Variants in CLVS1 observed in about 807,000 individuals in gnomAD.
The protein encoded by CLVS1 is clavesin-1.
CLVS1 carries 10 observed loss-of-function variants against 33.1 expected under a neutral mutation model. The observed-to-expected ratio is 0.30, with a 90% CI of 0.19 to 0.51. The LOEUF (loss-of-function observed/expected upper bound fraction) is 0.51, where lower values mean the gene tolerates loss of function less well. CLVS1 is among the 20% of genes least tolerant of loss of function. The probability of loss-of-function intolerance (pLI) is 0.97; values close to 1 mark genes in which losing one functional copy is unlikely to be tolerated. For missense variants in CLVS1, 343 were observed against 433.4 expected (o/e 0.79, Z 1.85); for synonymous variants, 163 against 166.1 (o/e 0.98, Z 0.14).
intron 2 of CLVS1, among the ~76,000 whole-genome samples, chr8:61,354,737 A>G (rs975385484): frequency 1.3e-5 from 2 of 152,196 alleles, no homozygotes; most frequent in African/African-American, 2.4e-5. Context: ...TAAACATTAT[A>G]TAACATTCAA....
chr8:61,205,849 T>G (rs1807828024), intron 2 of CLVS1, among the ~76,000 whole-genome samples: 1 of 152,208 alleles, frequency 6.6e-6, no homozygotes, highest in Admixed American at 6.5e-5. Context: ...AAAATTTTTT[T>G]TATTTGCTAA....
chr8:61,479,682 T>C (rs1033326838), intron 5 of CLVS1, among the ~76,000 whole-genome samples: 9 of 152,212 alleles, frequency 5.9e-5, no homozygotes, highest in Admixed American at 5.9e-4. Context: ...TTTCCGGTTT[T>C]TCTGCTCTGT....
chr8:61,053,183 G>A (rs765289496), upstream of CLVS1, among the ~76,000 whole-genome samples: 1 of 152,210 alleles, frequency 6.6e-6, no homozygotes, highest in Non-Finnish European at 1.5e-5. Context: ...AAATGGAGGG[G>A]TGGAGTCTGC....
chr8:61,153,725 A>G (rs1806591826), intron 2 of CLVS1, among the ~76,000 whole-genome samples: 1 of 152,076 alleles, frequency 6.6e-6, no homozygotes, highest in African/African-American at 2.4e-5. Context: ...GGTTGCCTAG[A>G]AACTCTGTGC....
intron 2 of CLVS1, among the ~76,000 whole-genome samples, chr8:61,335,232 T>C (rs963469024): frequency 6.6e-6 from 1 of 152,230 alleles, no homozygotes; most frequent in Non-Finnish European, 1.5e-5. Flanking sequence ...AACCATAATT[T>C]CTAATCTTGT....
chr8:61,396,719 C>A (rs1286209566), intron 3 of CLVS1, among the ~76,000 whole-genome samples: 2 of 152,150 alleles, frequency 1.3e-5, no homozygotes, highest in East Asian at 1.9e-4. Context: ...GAGATACAGG[C>A]AACCACTAGT....
intron 1 of CLVS1, among the ~76,000 whole-genome samples, chr8:61,092,248 G>A (rs1037969916): frequency 2.0e-5 from 3 of 152,110 alleles, no homozygotes; most frequent in Admixed American, 1.3e-4. Context: ...CCCTGTATCA[G>A]TAACAGTGCA....
intron 5 of CLVS1, among the ~76,000 whole-genome samples, chr8:61,471,166 G>C (rs1249646740): frequency 6.6e-6 from 1 of 152,074 alleles, no homozygotes; most frequent in African/African-American, 2.4e-5. Flanking sequence ...TAATACCTTG[G>C]GCAGGCCATG....
chr8:61,199,662 T>C (rs982288996), intron 2 of CLVS1, among the ~76,000 whole-genome samples: 1 of 152,224 alleles, frequency 6.6e-6, no homozygotes, highest in Non-Finnish European at 1.5e-5. Context: ...GGTGGGAATG[T>C]AAACTAGCAC....
At chr8:61,272,362 C>A in intron 2 of CLVS1, among the ~76,000 whole-genome samples, 1 of 152,150 alleles carries the variant, frequency 6.6e-6, no homozygotes, top group East Asian at 1.9e-4. Context: ...CTGAGAGATC[C>A]GCTGTTAGTC....
intron 3 of CLVS1, among the ~76,000 whole-genome samples, chr8:61,433,437 TTTG>T (rs1458763681): frequency 8.5e-5 from 13 of 152,274 alleles, no homozygotes; most frequent in African/African-American, 2.9e-4. Context: ...GGAAGTCAGA[TTTG>T]TTGTTGTTTG....
intron 5 of CLVS1, among the ~76,000 whole-genome samples, chr8:61,470,480 G>A (rs1817694106): frequency 6.6e-6 from 1 of 152,180 alleles, no homozygotes; most frequent in African/African-American, 2.4e-5. Context: ...TGAAAAACAT[G>A]CCTGTTTGCT....
At chr8:61,125,224 C>T (rs1337123796) in intron 1 of CLVS1, among the ~76,000 whole-genome samples, 1 of 152,194 alleles carries the variant, frequency 6.6e-6, no homozygotes, top group Non-Finnish European at 1.5e-5. Context: ...CTAAACCATG[C>T]AGCCTTCCCC....
intron 2 of CLVS1, among the ~76,000 whole-genome samples, chr8:61,352,638 G>A (rs1187946278): frequency 1.3e-5 from 2 of 151,944 alleles, no homozygotes; most frequent in Non-Finnish European, 1.5e-5. Context: ...CAGAGGAAAG[G>A]AAACTACCAT....
chr8:61,375,066 A>G (rs1457733893), intron 2 of CLVS1, among the ~76,000 whole-genome samples: 1 of 152,090 alleles, frequency 6.6e-6, no homozygotes, highest in African/African-American at 2.4e-5. Context: ...TCATCCCTCC[A>G]TAAACTCTTC....
At chr8:61,411,956 G>C (rs1815244989) in intron 3 of CLVS1, among the ~76,000 whole-genome samples, 1 of 152,148 alleles carries the variant, frequency 6.6e-6, no homozygotes, top group South Asian at 2.1e-4. Context: ...GTGGAGGTGG[G>C]CCAAGTACTC....
At chr8:61,160,184 G>A (rs1275016709) in intron 2 of CLVS1, among the ~76,000 whole-genome samples, 1 of 152,126 alleles carries the variant, frequency 6.6e-6, no homozygotes, top group Non-Finnish European at 1.5e-5. Flanking sequence ...AGATTTAGCT[G>A]AATTCTAACC....
At chr8:61,051,257 C>A in the CLVS1 span, among the ~76,000 whole-genome samples, 1 of 152,218 alleles carries the variant, frequency 6.6e-6, no homozygotes, top group African/African-American at 2.4e-5. Context: ...ATGGCTGTTG[C>A]CAGCTGGGAG....
chr8:61,469,002 T>C (rs1402787618), intron 5 of CLVS1, among the ~76,000 whole-genome samples: 2 of 151,896 alleles, frequency 1.3e-5, no homozygotes, highest in Admixed American at 6.5e-5. Context: ...CCAAACAGTC[T>C]GAGGAAAAGC....
Sources: gnomAD v4.1 joint callset for allele counts (sites outside exome capture counted in the v4.1 genomes callset) on GRCh38, gnomAD v4.1.1 for gene constraint, MANE v1.5 for transcripts, NCBI Gene and HGNC (gene_info 2026-07-23, HGNC 2026-07-21) for gene names.